Variants in PCGF3 observed in about 807,000 individuals in gnomAD.
The protein encoded by PCGF3 is polycomb group ring finger 3, also known as polycomb group RING finger protein 3.
In PCGF3, 7 loss-of-function variants were observed where a neutral mutation model predicts 33.1. The observed-to-expected ratio is 0.21, with a 90% CI of 0.12 to 0.40. The LOEUF is 0.40. PCGF3 is among the 10% of genes least tolerant of loss of function. The probability of loss-of-function intolerance (pLI) is 1.00; values close to 1 mark genes in which losing one functional copy is unlikely to be tolerated. For synonymous variants in PCGF3, 153 were observed against 121.3 expected (o/e 1.26, Z -1.72); for missense variants, 211 against 313.3 (o/e 0.67, Z 2.46).
intron 1 of PCGF3, among the ~76,000 whole-genome samples, chr4:725,441 C>T (rs553419970): frequency 6.6e-6 from 1 of 152,280 alleles, no homozygotes; most frequent in African/African-American, 2.4e-5. Flanking sequence ...TTGTGGGGCC[C>T]ATGGGACCAT....
At chr4:761,737 A>G (rs1224236030) in intron 9 of PCGF3, 3 of 985,336 alleles carry the variant, frequency 3.0e-6, no homozygotes, top group Non-Finnish European at 3.6e-6. Context: ...AAGGGGAGAC[A>G]TGGGCGGATG....
At chr4:760,915 C>T (rs558395840) in intron 8 of PCGF3, among the ~76,000 whole-genome samples, 7 of 152,228 alleles carry the variant, frequency 4.6e-5, no homozygotes, top group African/African-American at 7.2e-5. Context: ...CGAGTGCATT[C>T]GCAGACACGG....
intron 1 of PCGF3, among the ~76,000 whole-genome samples, chr4:725,425 G>A (rs957772025): frequency 3.3e-5 from 5 of 152,266 alleles, no homozygotes; most frequent in Non-Finnish European, 7.3e-5. Context: ...CAGCGGCCCT[G>A]AGGGGTTGTG....
At chr4:710,699 T>C (rs1742526584) in intron 1 of PCGF3, among the ~76,000 whole-genome samples, 1 of 152,216 alleles carries the variant, frequency 6.6e-6, no homozygotes, top group South Asian at 2.1e-4. Context: ...GAAAAGATTC[T>C]TAGGAATTAA....
At chr4:765,143 A>C in intron 10 of PCGF3, 79 bp downstream of exon 10, 1 of 1,015,872 alleles carries the variant, frequency 9.8e-7, no homozygotes, top group Non-Finnish European at 1.5e-6. Context: ...TAAAATGTTA[A>C]ATGACTCCAG....
intron 1 of PCGF3, among the ~76,000 whole-genome samples, chr4:713,920 T>G (rs1467047035): frequency 1.3e-5 from 2 of 152,166 alleles, no homozygotes; most frequent in African/African-American, 4.8e-5. Flanking sequence ...TAATTTACTT[T>G]TTTACCCAAG....
At chr4:748,033 A>G (rs916797137) in intron 8 of PCGF3, among the ~76,000 whole-genome samples, 10 of 152,104 alleles carry the variant, frequency 6.6e-5, no homozygotes, top group Admixed American at 4.6e-4. Flanking sequence ...CGTGAATGTT[A>G]CGTGAAAGAA....
rs778499075 is a variant in PCGF3, at chr4:765,685, AG to A, written c.682-342del. Among the ~76,000 whole-genome samples, 21 of 151,864 alleles carry A rather than the reference AG, an allele frequency of 1.4e-4. No homozygotes were observed. The East Asian group carries it at 2.5e-3, about 18-fold the overall frequency. On this transcript the variant is annotated intron_variant, in intron 10 of 10. Transcript: ENST00000362003. Reference sequence around the variant, plus strand: ...TCAGCTGGTGTTGCTGCCTGGGGAGAGGGGGAGGAGCCAAGGCTGGCCTGGG... The same window carrying A: ...TCAGCTGGTGTTGCTGCCTGGGGAGAGGGGAGGAGCCAAGGCTGGCCTGGG...
chr4:730,840 ACTT>A (rs1264326774), intron 2 of PCGF3, 127 bp from the exon 3 acceptor site: 6 of 394,914 alleles, frequency 1.5e-5, no homozygotes, highest in East Asian at 1.4e-4. Context: ...CCCGGTCAGT[ACTT>A]CTGATTGACC....
intron 4 of PCGF3, chr4:734,173 A>G (rs1405470680): frequency 6.5e-6 from 10 of 1,535,536 alleles, no homozygotes; most frequent in African/African-American, 1.4e-5. Context: ...GTGCGTCCTC[A>G]CACCTGATGA....
chr4:769,441 T>C (rs1811560), exon 11 of PCGF3: 11,131 of 152,772 alleles, frequency 0.073, 478 homozygotes, highest in South Asian at 0.14. Flanking sequence ...CCAATTTCTC[T>C]GTTTCCTCAG....
chr4:744,655 G>A (rs1334327145), exon 8 of PCGF3: 1 of 1,560,558 alleles, frequency 6.4e-7, no homozygotes, highest in Non-Finnish European at 8.7e-7. Context: ...AGAAGCCGGA[G>A]GAGGACAACG....
At chr4:708,483 A>G (rs1742429842) in intron 1 of PCGF3, among the ~76,000 whole-genome samples, 1 of 151,094 alleles carries the variant, frequency 6.6e-6, no homozygotes, top group Admixed American at 6.6e-5. Context: ...GGCCCTTTCC[A>G]TGAGACCCTG....
At chr4:757,350 G>A (rs1366844094) in intron 8 of PCGF3, 1 of 152,288 alleles carries the variant, frequency 6.6e-6, no homozygotes, top group Non-Finnish European at 1.5e-5. Flanking sequence ...GCGGCTGCCT[G>A]TTGAGGGCAG....
chr4:738,016 T>A (rs1743910074), intron 6 of PCGF3, among the ~76,000 whole-genome samples: 1 of 152,226 alleles, frequency 6.6e-6, no homozygotes, highest in Non-Finnish European at 1.5e-5. Flanking sequence ...AATCGGTTGC[T>A]TGGGGATCGC....
At chr4:753,406 G>C (rs1577434534) in intron 8 of PCGF3, among the ~76,000 whole-genome samples, 1 of 152,164 alleles carries the variant, frequency 6.6e-6, no homozygotes, top group Non-Finnish European at 1.5e-5. Flanking sequence ...CGTAATCCCA[G>C]CATATTGGGA....
Position 721,390 on chromosome 4 carries a change from A to G in PCGF3, c.-189-9240A>G, listed in dbSNP as rs944496035. Among the ~76,000 whole-genome samples, 4 of 152,044 alleles carry G rather than the reference A, an allele frequency of 2.6e-5. No homozygotes were observed. The highest frequency in any genetic ancestry group is 9.7e-5 in the African/African-American group (4 of 41,382). On this transcript the variant is annotated intron_variant, in intron 1 of 10. Transcript: ENST00000362003. This position sits in a 1 kb window ranked among gnomAD's most constrained non-coding sequence, Gnocchi z 4.1. ...AATGTGCCCCAGGCATGGGCTTGTG[A>G]TGCCGGCTCTTCCTCCTGGCAGAGC...
chr4:724,250 A>G (rs1465263744), intron 1 of PCGF3, among the ~76,000 whole-genome samples: 1 of 152,176 alleles, frequency 6.6e-6, no homozygotes, highest in Non-Finnish European at 1.5e-5. Flanking sequence ...GTGGGTGACA[A>G]GGAGGCTCAG....
chr4:761,835 A>G, intron 9 of PCGF3: 1 of 985,440 alleles, frequency 1.0e-6, no homozygotes, highest in Non-Finnish European at 1.2e-6. Context: ...GCGCACCATG[A>G]ACATGCCAGT....
Sources: gnomAD v4.1 joint callset for allele counts (sites outside exome capture counted in the v4.1 genomes callset) on GRCh38, gnomAD v4.1.1 for gene constraint, Gnocchi (gnomAD v3.1) non-coding constraint, MANE v1.5 for transcripts, NCBI Gene and HGNC (gene_info 2026-07-23, HGNC 2026-07-21) for gene names.